The following SPMIP3 variants were observed in gnomAD, a reference collection of about 807,000 sequenced individuals.
SPMIP3 encodes the protein protein SPMIP3.
At chr1:244,381,245 C>T in the SPMIP3 span, among the ~76,000 whole-genome samples, 9 of 152,048 alleles carry the variant, frequency 5.9e-5, no homozygotes, top group South Asian at 2.1e-4. Context: ...GTTCCGGTCC[C>T]CACAGAACTG....
the SPMIP3 span, among the ~76,000 whole-genome samples, chr1:244,372,849 G>A: frequency 6.6e-6 from 1 of 152,234 alleles, no homozygotes; most frequent in Admixed American, 6.5e-5. Context: ...CCCAATGATG[G>A]CCATTTATTG....
chr1:244,372,308 C>T, the SPMIP3 span, among the ~76,000 whole-genome samples: 2 of 152,170 alleles, frequency 1.3e-5, no homozygotes, highest in Non-Finnish European at 2.9e-5. Flanking sequence ...TAGCATAGTG[C>T]AGGGTGTTTT....
At chr1:244,361,765 C>T in the SPMIP3 span, among the ~76,000 whole-genome samples, 1 of 151,958 alleles carries the variant, frequency 6.6e-6, no homozygotes, top group Non-Finnish European at 1.5e-5. Context: ...CGATTTATTC[C>T]CTTACAAGAC....
the SPMIP3 span, among the ~76,000 whole-genome samples, chr1:244,367,517 G>A: frequency 6.6e-5 from 10 of 152,078 alleles, no homozygotes; most frequent in African/African-American, 1.7e-4. Context: ...GCTGCCTCAC[G>A]GTGCGCACTA....
the SPMIP3 span, among the ~76,000 whole-genome samples, chr1:244,356,697 T>A: frequency 6.6e-6 from 1 of 152,170 alleles, no homozygotes; most frequent in East Asian, 1.9e-4. Context: ...GGAATGTACC[T>A]TAAGAAATAA....
chr1:244,353,959 C>G, the SPMIP3 span, among the ~76,000 whole-genome samples: 4 of 152,178 alleles, frequency 2.6e-5, no homozygotes, highest in Non-Finnish European at 5.9e-5. Context: ...TCCCCACCCA[C>G]GCCTTCTCTG....
chr1:244,357,914 A>C, the SPMIP3 span, among the ~76,000 whole-genome samples: 37 of 151,928 alleles, frequency 2.4e-4, no homozygotes, highest in African/African-American at 8.7e-4. Context: ...CCATCTCTAC[A>C]AAAAAAGAAA....
At chr1:244,382,942 G>T in the SPMIP3 span, among the ~76,000 whole-genome samples, 4 of 152,000 alleles carry the variant, frequency 2.6e-5, no homozygotes, top group East Asian at 1.9e-4. Context: ...GAGGGGAAAA[G>T]TTTCTCAGGC....
chr1:244,355,429 C>G, the SPMIP3 span, among the ~76,000 whole-genome samples: 1 of 152,152 alleles, frequency 6.6e-6, no homozygotes, highest in Non-Finnish European at 1.5e-5. Flanking sequence ...TCATCTGTCT[C>G]CAGGCTGGAG....
At chr1:244,358,311 T>A in the SPMIP3 span, among the ~76,000 whole-genome samples, 9 of 151,678 alleles carry the variant, frequency 5.9e-5, no homozygotes, top group African/African-American at 2.2e-4. Flanking sequence ...GGGCCGGGCA[T>A]AATGGCTCAC....
the SPMIP3 span, among the ~76,000 whole-genome samples, chr1:244,368,286 C>T: frequency 1.3e-5 from 2 of 152,154 alleles, no homozygotes; most frequent in Non-Finnish European, 2.9e-5. Context: ...TATATCCTGC[C>T]TGTCTCACCC....
chr1:244,353,126 C>T, the SPMIP3 span, among the ~76,000 whole-genome samples: 2 of 152,120 alleles, frequency 1.3e-5, no homozygotes, highest in South Asian at 2.1e-4. Flanking sequence ...CCTTGGACAG[C>T]GAACACTTTG....
chr1:244,389,338 C>A, the SPMIP3 span: 1 of 239,900 alleles, frequency 4.2e-6, no homozygotes, highest in Non-Finnish European at 8.3e-6. Flanking sequence ...AATGTATACG[C>A]AGGATCAGGT....
the SPMIP3 span, among the ~76,000 whole-genome samples, chr1:244,373,779 A>C: frequency 5.9e-5 from 9 of 151,988 alleles, no homozygotes; most frequent in Non-Finnish European, 1.2e-4. Context: ...TTACAGTCTT[A>C]TAACTATAAT....
chr1:244,360,395 A>G, the SPMIP3 span, among the ~76,000 whole-genome samples: 7 of 152,270 alleles, frequency 4.6e-5, no homozygotes, highest in Non-Finnish European at 1.0e-4. Context: ...GGAAATTGTT[A>G]TATCAAAGAG....
At chr1:244,376,613 T>C in the SPMIP3 span, 4 of 152,202 alleles carry the variant, frequency 2.6e-5, no homozygotes, top group Non-Finnish European at 5.9e-5. Flanking sequence ...TGGGACGGGA[T>C]GGGTATTTCG....
the SPMIP3 span, among the ~76,000 whole-genome samples, chr1:244,369,162 A>C: frequency 6.6e-6 from 1 of 152,168 alleles, no homozygotes; most frequent in African/African-American, 2.4e-5. Context: ...CCGTCTCAAA[A>C]AAAAAAATCA....
chr1:244,384,258 C>T, the SPMIP3 span, among the ~76,000 whole-genome samples: 1 of 152,118 alleles, frequency 6.6e-6, no homozygotes, highest in Non-Finnish European at 1.5e-5. Flanking sequence ...GGCTGGAATG[C>T]AGTGGTGCAA....
chr1:244,365,920 C>G, the SPMIP3 span, among the ~76,000 whole-genome samples: 1 of 152,162 alleles, frequency 6.6e-6, no homozygotes, highest in African/African-American at 2.4e-5. Flanking sequence ...AACTAAGGAG[C>G]TGTTTCGCTC....
Sources: allele counts gnomAD v4.1 joint callset (sites outside exome capture counted in the v4.1 genomes callset), GRCh38; gene constraint gnomAD v4.1.1; transcripts MANE v1.5; gene names NCBI Gene and HGNC (gene_info 2026-07-23, HGNC 2026-07-21).